Variants in RTN4 observed in about 807,000 individuals in gnomAD.
RTN4 encodes the protein reticulon 4, also known as reticulon-4.
Under a neutral mutation model 90.4 loss-of-function variants are expected in RTN4, and 32 were observed. That is an observed-to-expected ratio of 0.35 (90% confidence interval 0.27 to 0.48). The LOEUF is 0.48. Among genes scored for constraint, RTN4 ranks in the 20% least tolerant of loss-of-function variants. RTN4 has a pLI of 0.99. For missense variants in RTN4, 1,706 were observed against 1,430.2 expected (o/e 1.19, Z -3.11); for synonymous variants, 629 against 552.5 (o/e 1.14, Z -1.94).
intron 2 of RTN4, among the ~76,000 whole-genome samples, chr2:55,068,178 A>G (rs1267690938): frequency 2.0e-5 from 3 of 152,224 alleles, no homozygotes; most frequent in Non-Finnish European, 2.9e-5. Context: ...TCAAAACTCA[A>G]TAAGTAGTAG....
chr2:55,031,533 AC>A, intron 1 of RTN4, among the ~76,000 whole-genome samples: 1 of 152,222 alleles, frequency 6.6e-6, no homozygotes, highest in Non-Finnish European at 1.5e-5. Flanking sequence ...TAGCCAAGAA[AC>A]CTATGGTAGA....
intron 1 of RTN4, among the ~76,000 whole-genome samples, chr2:55,048,120 T>G (rs755696336): frequency 3.9e-5 from 6 of 152,220 alleles, no homozygotes; most frequent in East Asian, 1.9e-4. Context: ...TGTAACACAA[T>G]GGTATTTGTG....
intron 2 of RTN4, among the ~76,000 whole-genome samples, chr2:55,076,915 C>T (rs975047062): frequency 3.3e-5 from 5 of 152,116 alleles, no homozygotes; most frequent in South Asian, 4.1e-4. Context: ...CCTCCCCTTC[C>T]ACCATGATGG....
At chr2:55,131,126 A>G in the RTN4 span, among the ~76,000 whole-genome samples, 2 of 151,672 alleles carry the variant, frequency 1.3e-5, no homozygotes, top group Admixed American at 1.3e-4. Context: ...CACCCAGGCT[A>G]GAGTGCAGTG....
intron 1 of RTN4, among the ~76,000 whole-genome samples, chr2:55,110,916 C>T (rs973769721): frequency 6.6e-6 from 1 of 152,086 alleles, no homozygotes; most frequent in African/African-American, 2.4e-5. Context: ...TGGCACATGC[C>T]TGTAATCCCA....
chr2:54,991,668 G>T (rs1055114157), intron 3 of RTN4, among the ~76,000 whole-genome samples: 8 of 152,050 alleles, frequency 5.3e-5, no homozygotes, highest in Admixed American at 1.3e-4. Context: ...TTACTACTGG[G>T]GCATTATCTG....
chr2:55,039,711 G>A (rs766156437), intron 1 of RTN4, among the ~76,000 whole-genome samples: 3 of 152,138 alleles, frequency 2.0e-5, no homozygotes, highest in Non-Finnish European at 4.4e-5. Context: ...CCCAGGAGGT[G>A]GAGGTTGCAG....
At position 55,025,253 on chromosome 2, in the gene RTN4, A is replaced by G; in HGVS notation, c.2846T>C (p.Leu949Pro). 6.2e-7 allele frequency: 1 copy of G among 1,613,920 alleles called. No individual in the cohort carries two copies. The highest frequency in any genetic ancestry group is 8.5e-7 in the Non-Finnish European group (1 of 1,179,868). The change falls in exon 3 of 9, where the codon CTC becomes CCC. Residue 949 changes from leucine (L) to proline (P), a missense_variant. Coordinates refer to ENST00000337526, the MANE Select transcript of RTN4 (RefSeq NM_020532.5). ...AGCAGAAACATCTGGAGGCAATAAG[A>G]GCACCTTTGATGTAGCAGACCCATT... Reference protein sequence around the residue: ...SKNGSATSKVLLLPPDVSALA... With the variant: ...SKNGSATSKVPLLPPDVSALA...
intron 1 of RTN4, among the ~76,000 whole-genome samples, chr2:55,109,073 C>T (rs1051365668): frequency 6.6e-6 from 1 of 152,028 alleles, no homozygotes; most frequent in Non-Finnish European, 1.5e-5. Context: ...TACATCGAAC[C>T]TTTAAACACA....
At chr2:55,059,202 T>C (rs528622587) in intron 2 of RTN4, among the ~76,000 whole-genome samples, 1 of 152,290 alleles carries the variant, frequency 6.6e-6, no homozygotes, top group African/African-American at 2.4e-5. Context: ...TCTTTGTAAA[T>C]GTAAAGCACC....
At chr2:55,015,463 G>A (rs1680963887) in intron 3 of RTN4, among the ~76,000 whole-genome samples, 1 of 152,064 alleles carries the variant, frequency 6.6e-6, no homozygotes, top group Non-Finnish European at 1.5e-5. Flanking sequence ...AGAAAACTGA[G>A]GGAAAACTAT....
rs573060866 is a variant in RTN4, at chr2:54,979,110, G to A, written c.3360+3405C>T. 2.0e-5 allele frequency among the ~76,000 whole-genome samples: 3 copies of A among 151,464 alleles called. No homozygotes were observed. In the East Asian group the frequency reaches 5.8e-4, roughly 29 times the overall value. On this transcript the variant is annotated intron_variant, in intron 5 of 8. Coordinates refer to ENST00000337526, the MANE Select transcript of RTN4 (RefSeq NM_020532.5). ...ACTCTGTTGCCGTGGCTGGAATGCA[G>A]TGGTATGATTATGGCTCACTGCATC...
chr2:55,104,211 C>T (rs376936682), intron 1 of RTN4, among the ~76,000 whole-genome samples: 14 of 151,336 alleles, frequency 9.3e-5, no homozygotes, highest in South Asian at 4.2e-4. Context: ...CCACCACACA[C>T]GGCTAATCTT....
the RTN4 span, among the ~76,000 whole-genome samples, chr2:55,127,149 CT>C: frequency 6.6e-6 from 1 of 152,070 alleles, no homozygotes; most frequent in South Asian, 2.1e-4. Context: ...ATGTGTACCC[CT>C]AAATCTAAAA....
intron 5 of RTN4, among the ~76,000 whole-genome samples, chr2:54,976,684 C>A (rs1381823744): frequency 2.0e-5 from 3 of 152,174 alleles, no homozygotes; most frequent in Admixed American, 6.6e-5. Context: ...AAAGGGGTGG[C>A]AGCAAGAACT....
intron 6 of RTN4, 103 bp from the exon 7 acceptor site, chr2:54,973,970 G>A: frequency 1.0e-6 from 1 of 963,744 alleles, no homozygotes; most frequent in Non-Finnish European, 1.6e-6. Flanking sequence ...ACCAAGCAGT[G>A]TTCCTAATGA....
In RTN4 at chr2:55,040,472, T is replaced by A. The variant is rs143817676; in HGVS notation, c.556+9273A>T. Among the ~76,000 whole-genome samples the A allele has an allele frequency of 2.3e-3, 343 of 152,182 alleles. 3 individuals carry two copies. Among genetic ancestry groups the A allele is most frequent in the East Asian group, 5.2e-3 (27 of 5,178 alleles). ...ACTTTTAGGTCACCTCCATCTACGG[T>A]TGTCAGGGCACTGAGATAAATGAAC... On this transcript the variant is annotated intron_variant, in intron 1 of 8. Transcript: ENST00000337526.
chr2:55,089,602 G>A (rs903250332), intron 1 of RTN4, among the ~76,000 whole-genome samples: 2 of 152,334 alleles, frequency 1.3e-5, no homozygotes, highest in East Asian at 1.9e-4. Flanking sequence ...GGACAGAGAC[G>A]TCCTGCTCCA....
At chr2:55,093,645 G>C (rs1265412456) in intron 1 of RTN4, among the ~76,000 whole-genome samples, 1 of 152,096 alleles carries the variant, frequency 6.6e-6, no homozygotes, top group South Asian at 2.1e-4. Context: ...CTCCCTCCAC[G>C]AGGCCAGGGG....
Sources: gnomAD v4.1 joint callset for allele counts (sites outside exome capture counted in the v4.1 genomes callset) on GRCh38, gnomAD v4.1.1 for gene constraint, MANE v1.5 for transcripts, NCBI Gene and HGNC (gene_info 2026-07-23, HGNC 2026-07-21) for gene names.